Variants in FILIP1 observed in about 807,000 individuals in gnomAD.
FILIP1 encodes filamin-A-interacting protein 1.
A neutral mutation model predicts 102.1 loss-of-function variants in FILIP1; 61 were observed. The observed-to-expected ratio is 0.60, with a 90% CI of 0.49 to 0.74. FILIP1 has a LOEUF of 0.74. Ranked by LOEUF, FILIP1 falls within the 30% of genes least tolerant of loss-of-function variation. The probability of loss-of-function intolerance (pLI) is 0.00; values close to 1 mark genes in which losing one functional copy is unlikely to be tolerated. For synonymous variants in FILIP1, 491 were observed against 526.9 expected, an observed-to-expected ratio of 0.93 and a Z score of 0.93; for missense variants, 1,314 against 1,441.2, an observed-to-expected ratio of 0.91 and a Z score of 1.43.
At chr6:75,438,590 C>A (rs969083924) in intron 1 of FILIP1, among the ~76,000 whole-genome samples, 1 of 151,942 alleles carries the variant, frequency 6.6e-6, no homozygotes, top group African/African-American at 2.4e-5. Flanking sequence ...ATAGGGCTTT[C>A]ACATAATGCA....
chr6:75,480,685 A>G (rs1194739996), intron 1 of FILIP1, among the ~76,000 whole-genome samples: 1 of 152,210 alleles, frequency 6.6e-6, no homozygotes, highest in Non-Finnish European at 1.5e-5. Flanking sequence ...TACAGCAAAT[A>G]CTTTTATAGG....
chr6:75,416,666 A>G (rs910945448), intron 1 of FILIP1, among the ~76,000 whole-genome samples: 2 of 151,954 alleles, frequency 1.3e-5, no homozygotes, highest in Non-Finnish European at 2.9e-5. Context: ...GTTAAGACAC[A>G]TGGACTTCCC....
At chr6:75,325,577 A>G (rs1562461104) in intron 4 of FILIP1, among the ~76,000 whole-genome samples, 2 of 152,232 alleles carry the variant, frequency 1.3e-5, no homozygotes, top group Admixed American at 6.5e-5. Context: ...AAGTGGGCAA[A>G]GGACATGAAT....
intron 4 of FILIP1, among the ~76,000 whole-genome samples, chr6:75,352,721 T>G (rs1427508200): frequency 2.0e-5 from 3 of 152,006 alleles, no homozygotes; most frequent in Admixed American, 1.3e-4. Context: ...CATTTACACT[T>G]GTTAAGTTTA....
intron 1 of FILIP1, among the ~76,000 whole-genome samples, chr6:75,460,650 A>G (rs1778994827): frequency 6.6e-6 from 1 of 152,220 alleles, no homozygotes; most frequent in Non-Finnish European, 1.5e-5. Flanking sequence ...ACTGAGGTGA[A>G]AAGTTCCCCT....
At chr6:75,370,367 A>C (rs913981716) in intron 2 of FILIP1, among the ~76,000 whole-genome samples, 1 of 152,172 alleles carries the variant, frequency 6.6e-6, no homozygotes, top group South Asian at 2.1e-4. Context: ...TGCCTGCTGC[A>C]TGGTAGGCAC....
intron 1 of FILIP1, among the ~76,000 whole-genome samples, chr6:75,438,923 T>C (rs537758333): frequency 2.0e-5 from 3 of 152,194 alleles, no homozygotes; most frequent in East Asian, 3.9e-4. Context: ...GTTAAGAAAC[T>C]AGAAAGATTT....
chr6:75,321,580 G>A (rs1773658533), intron 4 of FILIP1, among the ~76,000 whole-genome samples: 1 of 152,136 alleles, frequency 6.6e-6, no homozygotes, highest in Non-Finnish European at 1.5e-5. Flanking sequence ...GGATCATGAG[G>A]TCAGGAGATC....
intron 2 of FILIP1, among the ~76,000 whole-genome samples, chr6:75,372,667 A>C (rs1266120497): frequency 1.5e-5 from 1 of 66,520 alleles, no homozygotes; most frequent in African/African-American, 8.7e-5. Context: ...GAAAGAAAGA[A>C]AGAAAGAAAG....
chr6:75,384,574 G>C (rs1289099990), intron 2 of FILIP1, among the ~76,000 whole-genome samples: 1 of 152,042 alleles, frequency 6.6e-6, no homozygotes, highest in Non-Finnish European at 1.5e-5. Flanking sequence ...AATCTAGTAG[G>C]AGTGAGATTT....
chr6:75,300,120 C>T (rs1772796324), intron 6 of FILIP1, among the ~76,000 whole-genome samples: 1 of 151,706 alleles, frequency 6.6e-6, no homozygotes, highest in South Asian at 2.1e-4. Flanking sequence ...TTGAGCTCTA[C>T]ATTTAAAAAA....
chr6:75,318,228 C>CTTTTTT (rs35536817), intron 4 of FILIP1, among the ~76,000 whole-genome samples: 1 of 102,892 alleles, frequency 9.7e-6, no homozygotes, highest in Non-Finnish European at 2.0e-5. Flanking sequence ...ATTATACAGT[C>CTTTTTT]TTTTTTTTTT....
intron 5 of FILIP1, among the ~76,000 whole-genome samples, chr6:75,309,696 T>A (rs1773113310): frequency 6.6e-6 from 1 of 152,124 alleles, no homozygotes. Flanking sequence ...TTACTTATCC[T>A]CTCTCCTAGA....
chr6:75,434,532 C>T (rs139017785), intron 1 of FILIP1, among the ~76,000 whole-genome samples: 2,789 of 152,262 alleles, frequency 0.018, 44 homozygotes, highest in Non-Finnish European at 0.027. Context: ...TTTTTGCACA[C>T]TGATTTTGTA....
At chr6:75,383,332 G>T (rs1050192551) in intron 2 of FILIP1, among the ~76,000 whole-genome samples, 28 of 152,168 alleles carry the variant, frequency 1.8e-4, no homozygotes, top group African/African-American at 6.5e-4. Flanking sequence ...TATAAATATT[G>T]TCCCCCTAAA....
At chr6:75,343,817 C>A (rs1243373991) in intron 4 of FILIP1, among the ~76,000 whole-genome samples, 2 of 152,294 alleles carry the variant, frequency 1.3e-5, no homozygotes, top group East Asian at 3.9e-4. Flanking sequence ...TGAGCACAAG[C>A]AAATGATAAT....
intron 2 of FILIP1, among the ~76,000 whole-genome samples, 168 bp downstream of exon 2, chr6:75,414,529 T>C (rs535103983): frequency 8.5e-5 from 13 of 152,170 alleles, no homozygotes; most frequent in Non-Finnish European, 1.8e-4. Flanking sequence ...ATTCAACAAA[T>C]ATTTATTTAG....
intron 1 of FILIP1, among the ~76,000 whole-genome samples, chr6:75,452,163 G>T (rs1778654571): frequency 1.3e-5 from 2 of 151,492 alleles, no homozygotes; most frequent in African/African-American, 4.9e-5. Context: ...CAACCTGCAG[G>T]TTTGTTACAT....
exon 7 of FILIP1, chr6:75,293,600 T>C (rs2149529126): frequency 6.6e-6 from 1 of 152,314 alleles, no homozygotes; most frequent in South Asian, 2.1e-4. Flanking sequence ...TTCTTGTAAG[T>C]TCCAAATTCA....
Sources: gnomAD v4.1 joint callset for allele counts (sites outside exome capture counted in the v4.1 genomes callset) on GRCh38, gnomAD v4.1.1 for gene constraint, MANE v1.5 for transcripts, NCBI Gene and HGNC (gene_info 2026-07-23, HGNC 2026-07-21) for gene names.